NTRK3: variants seen among roughly 807,000 people sequenced by gnomAD.
NTRK3 encodes NT-3 growth factor receptor.
A neutral mutation model predicts 91.7 loss-of-function variants in NTRK3; 24 were observed. That is an observed-to-expected ratio of 0.26 (90% CI 0.19 to 0.37). The LOEUF is 0.37. Ranked by LOEUF, NTRK3 falls within the 10% of genes least tolerant of loss-of-function variation. NTRK3 has a pLI of 1.00. For synonymous variants in NTRK3, 483 were observed against 404.0 expected (o/e 1.20, Z -2.34); for missense variants, 880 against 1,068.9 (o/e 0.82, Z 2.46).
At chr15:87,931,230 G>C in intron 16 of NTRK3, 1 of 518,364 alleles carries the variant, frequency 1.9e-6, no homozygotes, top group Non-Finnish European at 3.9e-6. Context: ...TGGGGCTGGA[G>C]ATACTGCTGA....
At chr15:88,101,761 A>G (rs200748853) in intron 13 of NTRK3, among the ~76,000 whole-genome samples, 2 of 152,160 alleles carry the variant, frequency 1.3e-5, no homozygotes, top group Non-Finnish European at 2.9e-5. Context: ...GCAAACTATC[A>G]CAAGGACAAA....
At chr15:88,047,057 T>G (rs1003725118) in intron 13 of NTRK3, among the ~76,000 whole-genome samples, 9 of 152,180 alleles carry the variant, frequency 5.9e-5, no homozygotes, top group Admixed American at 5.9e-4. Flanking sequence ...CACAGGGCCA[T>G]GTACTCTAAG....
At chr15:88,209,636 G>A (rs1464822974) in intron 3 of NTRK3, among the ~76,000 whole-genome samples, 1 of 152,238 alleles carries the variant, frequency 6.6e-6, no homozygotes, top group Non-Finnish European at 1.5e-5. Context: ...CAGGGTCAGA[G>A]CCGTCTGGCA....
intron 4 of NTRK3, 77 bp from the exon 5 acceptor site, chr15:88,183,566 G>A: frequency 7.2e-7 from 1 of 1,388,238 alleles, no homozygotes; most frequent in Non-Finnish European, 1.0e-6. Flanking sequence ...GCTGGCAGGG[G>A]GTGAGGCTAA....
Position 88,237,670 on chromosome 15 carries a change from C to T in NTRK3, c.248+18236G>A, listed in dbSNP as rs2051917755. ...TCCTTCCCTTTATCCACCTCTATTC[C>T]ACCTAAGACCGTGCAACTTCTTCCA... is the stretch of plus-strand genomic sequence containing the variant. On this transcript the variant is annotated intron_variant, in intron 3 of 18. Coordinates refer to ENST00000394480, the Ensembl canonical transcript of NTRK3. The surrounding 1 kb of genome is among the most constrained non-coding windows in gnomAD (Gnocchi z 4.0). Among the ~76,000 whole-genome samples the T allele has an allele frequency of 1.3e-5, 2 of 152,058 alleles. No homozygotes were observed. The highest frequency in any genetic ancestry group is 4.1e-4 in the South Asian group (2 of 4,820).
intron 14 of NTRK3, among the ~76,000 whole-genome samples, chr15:88,008,573 T>C (rs1405655733): frequency 6.6e-6 from 1 of 152,084 alleles, no homozygotes; most frequent in Non-Finnish European, 1.5e-5. Flanking sequence ...ACATATTTAC[T>C]ATCCATGGAA....
At chr15:87,959,311 A>G (rs8038245) in intron 14 of NTRK3, among the ~76,000 whole-genome samples, 79,029 of 152,080 alleles carry the variant, frequency 0.52, 21,209 homozygotes, top group African/African-American at 0.64. Flanking sequence ...ACCACCTGGT[A>G]GACAGTGGTG....
chr15:87,944,043 A>G (rs2070173365), intron 14 of NTRK3, among the ~76,000 whole-genome samples: 1 of 152,220 alleles, frequency 6.6e-6, no homozygotes, highest in Non-Finnish European at 1.5e-5. Flanking sequence ...TGTTGTCTTC[A>G]GGGTGAAAGA....
rs1209791281 is a variant in NTRK3 at position 87,880,262 on chromosome 15, C to T, written c.2292+8G>A. 3.1e-6 allele frequency: 5 copies of T among 1,613,922 alleles called. No individual in the cohort carries two copies. The highest frequency in any genetic ancestry group is 4.2e-6 in the Non-Finnish European group (5 of 1,180,014). On this transcript the variant is annotated splice_region_variant and intron_variant, in intron 18 of 18. Coordinates refer to ENST00000394480, the Ensembl canonical transcript of NTRK3. ...CCCAATCAAGATTCCTACGCACCCC[C>T]TTTTTACCTCCGTGTTTGAGAGTTG...
chr15:87,936,041 G>A (rs1328118421), intron 15 of NTRK3, among the ~76,000 whole-genome samples: 2 of 152,180 alleles, frequency 1.3e-5, no homozygotes, highest in Middle Eastern at 3.2e-3. Context: ...GAGGTGACAG[G>A]AGGAGAATAA....
chr15:87,880,194 G>A (rs1274899865), intron 18 of NTRK3, 76 bp downstream of exon 19: 2 of 1,574,366 alleles, frequency 1.3e-6, no homozygotes, highest in African/African-American at 2.7e-5. Context: ...GTCTTGTTCA[G>A]TAGGTCCAAG....
At chr15:88,230,279 A>G (rs1326697063) in intron 3 of NTRK3, among the ~76,000 whole-genome samples, 1 of 152,254 alleles carries the variant, frequency 6.6e-6, no homozygotes, top group Non-Finnish European at 1.5e-5. Context: ...TAAGTACTTC[A>G]TCCACCAGGA....
chr15:87,971,943 G>A (rs1042041942), intron 14 of NTRK3, among the ~76,000 whole-genome samples: 2 of 152,142 alleles, frequency 1.3e-5, no homozygotes, highest in Non-Finnish European at 2.9e-5. Context: ...ATTTTTAAAC[G>A]ACATTACGAG....
intron 14 of NTRK3, among the ~76,000 whole-genome samples, chr15:87,987,137 AT>A (rs781084529): frequency 1.3e-5 from 2 of 152,246 alleles, no homozygotes; most frequent in Non-Finnish European, 2.9e-5. Flanking sequence ...TCCTCAGGTG[AT>A]TTCTACGCAC....
At chr15:88,096,431 C>T (rs2049606676) in intron 13 of NTRK3, among the ~76,000 whole-genome samples, 1 of 152,186 alleles carries the variant, frequency 6.6e-6, no homozygotes, top group African/African-American at 2.4e-5. Flanking sequence ...CCTACTTCAC[C>T]ATGACACAGG....
chr15:87,867,934 A>G (rs1197516125), exon 19 of NTRK3: 2 of 228,624 alleles, frequency 8.7e-6, no homozygotes, highest in African/African-American at 2.2e-5. Context: ...GGTTTAAAGA[A>G]ACTCAAGATG....
intron 13 of NTRK3, among the ~76,000 whole-genome samples, chr15:88,057,977 G>A (rs1047460326): frequency 5.5e-4 from 84 of 152,360 alleles, no homozygotes; most frequent in African/African-American, 1.8e-3. Flanking sequence ...AAGGAAAAGG[G>A]CGGGCCAGGG....
intron 13 of NTRK3, among the ~76,000 whole-genome samples, chr15:88,051,661 T>C (rs2080835297): frequency 6.6e-6 from 1 of 152,222 alleles, no homozygotes; most frequent in Non-Finnish European, 1.5e-5. Context: ...TTAAATAAAA[T>C]ACTTACGTAA....
At chr15:88,193,674 A>G (rs1394101679) in intron 3 of NTRK3, among the ~76,000 whole-genome samples, 1 of 152,156 alleles carries the variant, frequency 6.6e-6, no homozygotes, top group Non-Finnish European at 1.5e-5. Context: ...CCATTTAGCT[A>G]TCAGCTTCCC....
Sources: allele counts gnomAD v4.1 joint callset (sites outside exome capture counted in the v4.1 genomes callset), GRCh38; gene constraint gnomAD v4.1.1; non-coding constraint Gnocchi (gnomAD v3.1); transcripts MANE v1.5; gene names NCBI Gene and HGNC (gene_info 2026-07-23, HGNC 2026-07-21).